The following PHKB variants were observed in gnomAD, a reference collection of about 807,000 sequenced individuals.
The protein encoded by PHKB is phosphorylase kinase regulatory subunit beta, also known as phosphorylase b kinase regulatory subunit beta.
A neutral mutation model predicts 152.1 loss-of-function variants in PHKB; 122 were observed. The observed-to-expected ratio is 0.80, with a 90% CI of 0.69 to 0.93. The LOEUF is 0.93. Among genes scored for constraint, PHKB ranks in the 40% least tolerant of loss-of-function variants. The pLI is 0.00. For missense variants in PHKB, 1,304 were observed against 1,328.4 expected (o/e 0.98, Z 0.29); for synonymous variants, 436 against 464.9 (o/e 0.94, Z 0.80).
chr16:47,607,425 G>A (rs1024149804), intron 13 of PHKB, among the ~76,000 whole-genome samples: 2 of 152,068 alleles, frequency 1.3e-5, no homozygotes, highest in Non-Finnish European at 2.9e-5. Flanking sequence ...CATGTAACTC[G>A]AAACTGATAA....
intron 14 of PHKB, among the ~76,000 whole-genome samples, chr16:47,635,375 A>G (rs1418999601): frequency 6.6e-6 from 1 of 152,178 alleles, no homozygotes; most frequent in Admixed American, 6.5e-5. Context: ...ATATAATTTA[A>G]TATAGCCACC....
At chr16:47,553,584 G>T (rs1392343373) in intron 7 of PHKB, among the ~76,000 whole-genome samples, 1 of 152,092 alleles carries the variant, frequency 6.6e-6, no homozygotes, top group Non-Finnish European at 1.5e-5. Context: ...TTGCTGGCAA[G>T]GACTTGTGAT....
At position 47,693,638 on chromosome 16, in the gene PHKB, C is replaced by G. The variant is rs919524837; in HGVS notation, c.2895+131C>G. On this transcript the variant is annotated intron_variant, in intron 28 of 30. Coordinates refer to ENST00000323584, the MANE Select transcript of PHKB (RefSeq NM_000293.3). ...GTATTTTCAAAGAAGGAATGAAATA[C>G]TAGAAAATAAGACATCTAATCAATT... 32 of 1,018,172 alleles carry G rather than the reference C, an allele frequency of 3.1e-5. No homozygotes were observed. In the South Asian group the frequency reaches 4.4e-4, roughly 14 times the overall value. 63.1% of individuals were successfully genotyped at this position (1,018,172 alleles called of 1,614,324 possible). A position where few individuals can be genotyped will look rare whatever the true frequency, so the allele number is the denominator to read the frequency against.
intron 24 of PHKB, chr16:47,664,387 A>T (rs1429672452): frequency 5.7e-6 from 1 of 175,118 alleles, no homozygotes; most frequent in African/African-American, 2.4e-5. Flanking sequence ...ATAGATATAT[A>T]TACACATGCA....
chr16:47,610,159 AT>A (rs371224839), intron 13 of PHKB, among the ~76,000 whole-genome samples: 301 of 99,424 alleles, frequency 3.0e-3, no homozygotes, highest in Middle Eastern at 6.0e-3. Context: ...TGCCCAGCTA[AT>A]TTTTTTTTTT....
chr16:47,667,869 T>TA lies in PHKB; in HGVS notation c.2428-1346_2428-1345insA, dbSNP rs1322230002. Among the ~76,000 whole-genome samples, 5 of 152,168 alleles carry TA rather than the reference T, an allele frequency of 3.3e-5. No individual in the cohort carries two copies. The East Asian group carries it at 9.6e-4, about 29-fold the overall frequency. ...GGGCTTGCAGCCTGTGGTCCTGAGA[T>TA]CCTGCTCCTACATCCTGGAAGCCTC... is the stretch of plus-strand genomic sequence containing the variant. On this transcript the variant is annotated intron_variant, in intron 25 of 30. Coordinates refer to ENST00000323584, the MANE Select transcript of PHKB (RefSeq NM_000293.3).
intron 2 of PHKB, 69 bp from the exon 3 acceptor site, chr16:47,499,687 A>T: frequency 6.3e-7 from 1 of 1,583,184 alleles, no homozygotes; most frequent in East Asian, 2.2e-5. Flanking sequence ...ACCAAAGAAG[A>T]TTAAAACATT....
chr16:47,591,443 A>G (rs933542919), intron 10 of PHKB, among the ~76,000 whole-genome samples: 1 of 152,070 alleles, frequency 6.6e-6, no homozygotes, highest in Non-Finnish European at 1.5e-5. Context: ...ATCTCGTTTC[A>G]CAGAACTTGG....
Position 47,499,758 on chromosome 16 carries a change from A to C in PHKB, c.169A>C (p.Lys57Gln), listed in dbSNP as rs1567280651. 1.9e-5 allele frequency: 31 copies of C among 1,614,168 alleles called. No individual in the cohort carries two copies. The highest frequency in any genetic ancestry group is 2.5e-5 in the Non-Finnish European group (30 of 1,179,978). Residue 57 changes from lysine (K) to glutamine (Q), a missense_variant and splice_region_variant, in exon 3 of 31, where the codon AAG becomes CAG. Physicochemically the swap from Lys to Gln is moderately conservative, Grantham distance 53. Transcript: ENST00000323584. Reference sequence around the variant, plus strand: ...CTTTGTCTTGTCCTCAATTGCAGTCAAGTCAACATTGCTGCTGTATCAAAG... The same window carrying C: ...CTTTGTCTTGTCCTCAATTGCAGTCCAGTCAACATTGCTGCTGTATCAAAG... ...DKLDHYYRIVKSTLLLYQSPT... is the reference protein window; with the variant it reads ...DKLDHYYRIVQSTLLLYQSPT...
intron 13 of PHKB, among the ~76,000 whole-genome samples, chr16:47,602,386 G>C (rs1972244055): frequency 6.6e-6 from 1 of 151,946 alleles, no homozygotes; most frequent in Non-Finnish European, 1.5e-5. Context: ...AAAGTTCTTT[G>C]GTAAGTGATT....
chr16:47,698,388 G>T, intron 29 of PHKB, 60 bp from the exon 30 acceptor site: 1 of 1,258,238 alleles, frequency 7.9e-7, no homozygotes, highest in Non-Finnish European at 1.2e-6. Flanking sequence ...CTGATCAAAG[G>T]GTGAAAACAT....
At chr16:47,531,712 C>T in intron 6 of PHKB, among the ~76,000 whole-genome samples, 1 of 152,050 alleles carries the variant, frequency 6.6e-6, no homozygotes. Flanking sequence ...ATAATGTAGC[C>T]ACTAGAAAAC....
intron 7 of PHKB, chr16:47,565,709 C>T: frequency 1.4e-6 from 2 of 1,469,224 alleles, no homozygotes; most frequent in Non-Finnish European, 1.9e-6. Context: ...GGTGTCTCTC[C>T]CGAGGCCATC....
chr16:47,502,947 A>T (rs1293848779), intron 3 of PHKB, 44 bp from the exon 4 acceptor site: 1 of 1,257,672 alleles, frequency 8.0e-7, no homozygotes, highest in Non-Finnish European at 1.2e-6. Context: ...CTTCCTTTTC[A>T]AATGCATTTC....
intron 13 of PHKB, among the ~76,000 whole-genome samples, chr16:47,607,634 G>C (rs1333598209): frequency 2.0e-5 from 3 of 152,124 alleles, no homozygotes; most frequent in Admixed American, 2.0e-4. Flanking sequence ...GAATAATGCT[G>C]CTATAAACTT....
At chr16:47,599,894 CT>C (rs1003105031) in intron 13 of PHKB, among the ~76,000 whole-genome samples, 128 of 152,304 alleles carry the variant, frequency 8.4e-4, no homozygotes, top group African/African-American at 2.9e-3. Context: ...CTGTTGTATA[CT>C]AGCCCTAAGA....
intron 14 of PHKB, among the ~76,000 whole-genome samples, chr16:47,612,384 T>G (rs1302869627): frequency 6.6e-6 from 1 of 152,156 alleles, no homozygotes; most frequent in African/African-American, 2.4e-5. Flanking sequence ...AACAAAATCA[T>G]CAGTTTAAAC....
chr16:47,492,001 T>C (rs1326243138), intron 1 of PHKB, among the ~76,000 whole-genome samples: 1 of 152,216 alleles, frequency 6.6e-6, no homozygotes, highest in Non-Finnish European at 1.5e-5. Flanking sequence ...TATTTCTGGC[T>C]TTCAAACTTT....
At position 47,574,965 on chromosome 16, in the gene PHKB, T is replaced by C. The variant is rs533484941; in HGVS notation, c.711-5330T>C. ...ACCACATAGAACTTCCAGTACTATG[T>C]TAGTCATGGTGAGAGCAGACATTTT... On this transcript the variant is annotated intron_variant, in intron 7 of 30. Transcript: ENST00000323584. Among the ~76,000 whole-genome samples, 142 of 152,370 alleles carry C rather than the reference T, an allele frequency of 9.3e-4. 1 individual carries two copies. Among genetic ancestry groups the C allele is most frequent in the African/African-American group, 3.3e-3 (136 of 41,588 alleles).
Sources: allele counts gnomAD v4.1 joint callset (sites outside exome capture counted in the v4.1 genomes callset), GRCh38; gene constraint gnomAD v4.1.1; transcripts MANE v1.5; gene names NCBI Gene and HGNC (gene_info 2026-07-23, HGNC 2026-07-21).